Variants in DYNC1H1 observed in about 807,000 individuals in gnomAD.
DYNC1H1 encodes cytoplasmic dynein 1 heavy chain 1.
Under a neutral mutation model 527.1 loss-of-function variants are expected in DYNC1H1, and 51 were observed. That is an observed-to-expected ratio of 0.10 (90% CI 0.08 to 0.12). The LOEUF (loss-of-function observed/expected upper bound fraction) is 0.12, where lower values mean the gene tolerates loss of function less well. Among genes scored for constraint, DYNC1H1 ranks in the 10% least tolerant of loss-of-function variants. The probability of loss-of-function intolerance (pLI) is 1.00; values close to 1 mark genes in which losing one functional copy is unlikely to be tolerated. For missense variants in DYNC1H1, 2,771 were observed against 5,971.8 expected (o/e 0.46, Z 17.66); for synonymous variants, 2,189 against 2,278.8 (o/e 0.96, Z 1.12).
In DYNC1H1 at chr14:102,012,072, C is replaced by T. The variant is rs1205496039; in HGVS notation, c.6816C>T (p.Thr2272=). ...DHLYGTLDPN[T]REWTDGLFTH... ...TCTACGGAACCCTGGACCCCAACAC[C>T]AGGGAATGGACAGATGGGCTCTTCA... The change falls in exon 33 of 78, where the codon ACC becomes ACT. Residue 2272 remains threonine, a synonymous_variant. Transcript: ENST00000360184. The surrounding 1 kb of genome is among the most constrained non-coding windows in gnomAD (Gnocchi z 4.9). 1 of 1,614,180 alleles carries T rather than the reference C, an allele frequency of 6.2e-7. No homozygotes were observed. The highest frequency in any genetic ancestry group is 1.7e-5 in the Admixed American group (1 of 60,020).
Position 102,002,420 on chromosome 14 carries a change from TTAAAATG to T in DYNC1H1, c.4543-115_4543-109del. On this transcript the variant is annotated intron_variant, in intron 21 of 77. Coordinates refer to ENST00000360184, the MANE Select transcript of DYNC1H1 (RefSeq NM_001376.5). The surrounding 1 kb of genome is among the most constrained non-coding windows in gnomAD (Gnocchi z 4.4). ...GCCACCACACCCGTCTACTTGTTGTTTAAAATGTGAATCAGATTACTTCATGAGATCC... is the reference window on the plus strand; with the variant it reads ...GCCACCACACCCGTCTACTTGTTGTTTGAATCAGATTACTTCATGAGATCC... 1 of 1,424,232 alleles carries T rather than the reference TTAAAATG, an allele frequency of 7.0e-7. No individual in the cohort carries two copies. Among genetic ancestry groups the T allele is most frequent in the Non-Finnish European group, 9.9e-7 (1 of 1,015,110 alleles). 88.2% of individuals were successfully genotyped at this position (1,424,232 alleles called of 1,614,324 possible). A position where few individuals can be genotyped will look rare whatever the true frequency, so the allele number is the denominator to read the frequency against.
chr14:102,049,048 G>A lies in DYNC1H1; in HGVS notation c.13372+379G>A, dbSNP rs2048767486. ...TGGAAAAGCAGGGGCAGGCGGGCATGGGGGGCTCATCCAAAGTTGTGGGGA... is the reference window on the plus strand; with the variant it reads ...TGGAAAAGCAGGGGCAGGCGGGCATAGGGGGCTCATCCAAAGTTGTGGGGA... On this transcript the variant is annotated intron_variant, in intron 74 of 77. Coordinates refer to ENST00000360184, the MANE Select transcript of DYNC1H1 (RefSeq NM_001376.5). This position sits in a 1 kb window ranked among gnomAD's most constrained non-coding sequence, Gnocchi z 5.5. The A allele has an allele frequency of 9.4e-6, 4 of 425,386 alleles. No individual in the cohort carries two copies. Among genetic ancestry groups the A allele is most frequent in the Admixed American group, 3.6e-5 (1 of 27,894 alleles). 26.4% of individuals were successfully genotyped at this position (425,386 alleles called of 1,614,324 possible).
chr14:101,984,657 G>A (rs1254458468), intron 7 of DYNC1H1, among the ~76,000 whole-genome samples: 1 of 150,602 alleles, frequency 6.6e-6, no homozygotes, highest in Non-Finnish European at 1.5e-5. Context: ...CACCGGCCGG[G>A]CGCGGTGGCT....
chr14:102,035,085 C>G (rs1170859646), intron 56 of DYNC1H1: 1 of 155,688 alleles, frequency 6.4e-6, no homozygotes, highest in African/African-American at 2.4e-5. Context: ...AGAAAATTAG[C>G]TGGGCGTGGT....
rs368959473 is a variant in DYNC1H1, at chr14:102,000,427, C to T, written c.4074+28C>T. ...ATATCATGAAATCGGTGTTTGTGTA[C>T]GTCTATTTTAACAGTTACAGACTTT... is the stretch of plus-strand genomic sequence containing the variant. On this transcript the variant is annotated intron_variant, in intron 18 of 77. Coordinates refer to ENST00000360184, the MANE Select transcript of DYNC1H1 (RefSeq NM_001376.5). 4.9e-5 allele frequency: 78 copies of T among 1,605,078 alleles called. No individual in the cohort carries two copies. The African/African-American group carries it at 7.9e-4, about 16-fold the overall frequency.
At position 102,036,828 on chromosome 14, in the gene DYNC1H1, G is replaced by C. The variant is rs534296010; in HGVS notation, c.10908+186G>C. 1.3e-6 allele frequency: 1 copy of C among 785,124 alleles called. No homozygotes were observed. Among genetic ancestry groups the C allele is most frequent in the Admixed American group, 2.3e-5 (1 of 44,048 alleles). 48.6% of individuals were successfully genotyped at this position (785,124 alleles called of 1,614,324 possible). A position where few individuals can be genotyped will look rare whatever the true frequency, so the allele number is the denominator to read the frequency against. ...GCATTTAAAATTCTATTCAGTGGTC[G>C]GGCGAGGTGGCTCACACCTGTAATC... On this transcript the variant is annotated intron_variant, in intron 57 of 77. Coordinates refer to ENST00000360184, the MANE Select transcript of DYNC1H1 (RefSeq NM_001376.5). This position sits in a 1 kb window ranked among gnomAD's most constrained non-coding sequence, Gnocchi z 5.6.
Position 102,004,632 on chromosome 14 carries a change from G to A in DYNC1H1, c.4998G>A (p.Leu1666=). 6.2e-7 allele frequency: 1 copy of A among 1,614,180 alleles called. No individual in the cohort carries two copies. The highest frequency in any genetic ancestry group is 1.3e-5 in the African/African-American group (1 of 75,036). ...KMFAGVSSII[L]NEDNSVVLGI... is the part of the protein sequence containing the mutation. ...TTGCTGGAGTTTCGAGCATCATCCTGAACGAGGATAACTCTGTTGTTTTGG... is the reference window on the plus strand; with the variant it reads ...TTGCTGGAGTTTCGAGCATCATCCTAAACGAGGATAACTCTGTTGTTTTGG... Residue 1666 remains leucine, a synonymous_variant, in exon 24 of 78, where the codon CTG becomes CTA. Transcript: ENST00000360184.
Position 101,986,503 on chromosome 14 carries a change from G to A in DYNC1H1, c.2278G>A (p.Val760Ile), listed in dbSNP as rs781320162. The A allele has an allele frequency of 8.7e-6, 14 of 1,613,966 alleles. No homozygotes were observed. The highest frequency in any genetic ancestry group is 1.7e-5 in the Admixed American group (1 of 59,976). ...GAACCTCAAATGGCTTGGTTTCCGCGTCCCACTGGCGATTGTGAACAAAGC... is the reference window on the plus strand; with the variant it reads ...GAACCTCAAATGGCTTGGTTTCCGCATCCCACTGGCGATTGTGAACAAAGC... ...VRNLKWLGFR[V>I]PLAIVNKAHQ... The change falls in exon 8 of 78, where the codon GTC (valine) becomes ATC (isoleucine). Residue 760 changes from valine (V) to isoleucine (I), a missense_variant. Val to Ile is a conservative substitution (Grantham distance 29). This residue lies in a region of DYNC1H1 where 264 missense variants were observed against 619.4 expected (regional missense o/e 0.43). Coordinates refer to ENST00000360184, the MANE Select transcript of DYNC1H1 (RefSeq NM_001376.5). The surrounding 1 kb of genome is among the most constrained non-coding windows in gnomAD (Gnocchi z 8.7).
chr14:102,052,294 G>A lies in DYNC1H1; in HGVS notation c.*1731G>A, dbSNP rs981493406. ...GACCACAGACACACACCACCATGTC[G>A]GCTAATTTTTGTATCTTTTGTAGAG... On this transcript the variant is annotated 3_prime_UTR_variant, in exon 78 of 78. Transcript: ENST00000360184. The A allele has an allele frequency of 2.6e-5, 4 of 152,178 alleles. No homozygotes were observed. The highest frequency in any genetic ancestry group is 9.7e-5 in the African/African-American group (4 of 41,386). 9.4% of individuals were successfully genotyped at this position (152,178 alleles called of 1,614,324 possible). A position where few individuals can be genotyped will look rare whatever the true frequency, so the allele number is the denominator to read the frequency against.
In DYNC1H1 at chr14:102,012,576, A is replaced by G; in HGVS notation, c.7014+106A>G. ...GGAGTCATGGACCCAGATTCCATGGAGTAGTGATCATTGTGTAAGTAATTT... is the reference window on the plus strand; with the variant it reads ...GGAGTCATGGACCCAGATTCCATGGGGTAGTGATCATTGTGTAAGTAATTT... On this transcript the variant is annotated intron_variant, in intron 34 of 77. Coordinates refer to ENST00000360184, the MANE Select transcript of DYNC1H1 (RefSeq NM_001376.5). This position sits in a 1 kb window ranked among gnomAD's most constrained non-coding sequence, Gnocchi z 4.9. 6.9e-7 allele frequency: 1 copy of G among 1,454,148 alleles called. No individual in the cohort carries two copies. The highest frequency in any genetic ancestry group is 9.6e-7 in the Non-Finnish European group (1 of 1,039,572). The allele number at this position is 1,454,148 out of a possible 1,614,324, so 90.1% of individuals were successfully genotyped here.
At position 102,041,340 on chromosome 14, in the gene DYNC1H1, C is replaced by T. The variant is rs2048646841; in HGVS notation, c.11942-234C>T. 1.1e-5 allele frequency: 7 copies of T among 617,616 alleles called. No individual in the cohort carries two copies. Among genetic ancestry groups the T allele is most frequent in the Non-Finnish European group, 1.7e-5 (6 of 351,246 alleles). The allele number at this position is 617,616 out of a possible 1,614,324, so 38.3% of individuals were successfully genotyped here. ...GGTATTAGTTTAGTAATCTAAAAAT[C>T]AGCAAATGGCACCTTTGTCCTATGG... is the stretch of plus-strand genomic sequence containing the variant. On this transcript the variant is annotated intron_variant, in intron 64 of 77. Transcript: ENST00000360184. This position sits in a 1 kb window ranked among gnomAD's most constrained non-coding sequence, Gnocchi z 4.5.
chr14:102,033,837 C>T lies in DYNC1H1; in HGVS notation c.10414-139C>T, dbSNP rs1051665966. On this transcript the variant is annotated intron_variant, in intron 54 of 77. Coordinates refer to ENST00000360184, the MANE Select transcript of DYNC1H1 (RefSeq NM_001376.5). The surrounding 1 kb of genome is among the most constrained non-coding windows in gnomAD (Gnocchi z 5.6). ...TTATATATGATCTGGGTCTCATCTCCTCTGGGACTGTGAACAACTTGGGCA... is the reference window on the plus strand; with the variant it reads ...TTATATATGATCTGGGTCTCATCTCTTCTGGGACTGTGAACAACTTGGGCA... 1.1e-5 allele frequency: 10 copies of T among 898,636 alleles called. No individual in the cohort carries two copies. The highest frequency in any genetic ancestry group is 3.0e-4 in the Middle Eastern group (1 of 3,326). 55.7% of individuals were successfully genotyped at this position (898,636 alleles called of 1,614,324 possible).
At chr14:102,047,639 GTGT>G (rs2048741565) in intron 72 of DYNC1H1, 175 bp from the exon 73 acceptor site, 1 of 346,204 alleles carries the variant, frequency 2.9e-6, no homozygotes, top group Admixed American at 4.5e-5. Context: ...GTGTGTGTGT[GTGT>G]ATATATATAT....
intron 1 of DYNC1H1, among the ~76,000 whole-genome samples, chr14:101,968,159 C>G (rs1484340919): frequency 6.6e-6 from 1 of 152,218 alleles, no homozygotes; most frequent in Non-Finnish European, 1.5e-5. Flanking sequence ...GCTGATGGAA[C>G]TGACATTTCC....
Position 102,039,834 on chromosome 14 carries a change from T to A in DYNC1H1, c.11690+102T>A. On this transcript the variant is annotated intron_variant, in intron 62 of 77. Transcript: ENST00000360184. The surrounding 1 kb of genome is among the most constrained non-coding windows in gnomAD (Gnocchi z 7.0). ...TTATTATTTCTTTTATTTTCTCTTT[T>A]ATTTTCTTTATTTTATTTTTTGAGA... 1.0e-6 allele frequency: 1 copy of A among 961,374 alleles called. No homozygotes were observed. The allele number at this position is 961,374 out of a possible 1,614,324, so 59.6% of individuals were successfully genotyped here. A position where few individuals can be genotyped will look rare whatever the true frequency, so the allele number is the denominator to read the frequency against.
chr14:102,027,426 G>A lies in DYNC1H1; in HGVS notation c.8930G>A (p.Arg2977Gln), dbSNP rs779621100. 11 of 1,613,998 alleles carry A rather than the reference G, an allele frequency of 6.8e-6. No homozygotes were observed. The highest frequency in any genetic ancestry group is 1.3e-5 in the African/African-American group (1 of 74,888). The part of the protein sequence containing the change: ...YTGEDFDEDL[R>Q]TVLRRSGCKN... ...GGGGAAGACTTTGATGAAGATCTAC[G>A]GACAGTGTTGAGACGTTCTGGCTGT... Residue 2977 changes from arginine (R) to glutamine (Q), a missense_variant, in exon 46 of 78, where the codon CGG becomes CAG. This residue lies in a region of DYNC1H1 where 84 missense variants were observed against 285.4 expected (regional missense o/e 0.29). Coordinates refer to ENST00000360184, the MANE Select transcript of DYNC1H1 (RefSeq NM_001376.5). The surrounding 1 kb of genome is among the most constrained non-coding windows in gnomAD (Gnocchi z 7.7).
intron 27 of DYNC1H1, among the ~76,000 whole-genome samples, chr14:102,006,693 C>T (rs1037502974): frequency 5.3e-5 from 8 of 151,826 alleles, no homozygotes; most frequent in Non-Finnish European, 7.4e-5. Context: ...CTCTGCCTCC[C>T]GGGTTCAAGC....
Position 102,016,358 on chromosome 14 carries a change from G to A in DYNC1H1, c.7483G>A (p.Val2495Ile). The A allele has an allele frequency of 6.2e-7, 1 of 1,614,062 alleles. No individual in the cohort carries two copies. Among genetic ancestry groups the A allele is most frequent in the South Asian group, 1.1e-5 (1 of 91,076 alleles). ...QLERYIQRYL[V>I]YAILWSLSGD... The stretch of plus-strand genomic sequence containing the variant: ...ATTCCCTTTTTAATAGCGATATCTG[G>A]TTTATGCCATACTCTGGTCCCTGTC... Residue 2495 changes from valine (V) to isoleucine (I), a missense_variant, in exon 37 of 78, where the codon GTT becomes ATT. Val to Ile is a conservative substitution (Grantham distance 29). Coordinates refer to ENST00000360184, the MANE Select transcript of DYNC1H1 (RefSeq NM_001376.5). This position sits in a 1 kb window ranked among gnomAD's most constrained non-coding sequence, Gnocchi z 7.3.
chr14:102,020,155 T>G lies in DYNC1H1; in HGVS notation c.8507+99T>G. On this transcript the variant is annotated intron_variant, in intron 42 of 77. Coordinates refer to ENST00000360184, the MANE Select transcript of DYNC1H1 (RefSeq NM_001376.5). The surrounding 1 kb of genome is among the most constrained non-coding windows in gnomAD (Gnocchi z 4.3). ...CTTTGCAGGGGTGGTCTGCCTAAGT[T>G]AGAGCCAGGTGGTGCCAGTGGTGGA... The G allele has an allele frequency of 6.7e-7, 1 of 1,503,044 alleles. No homozygotes were observed. Among genetic ancestry groups the G allele is most frequent in the African/African-American group, 1.4e-5 (1 of 72,178 alleles). The allele number at this position is 1,503,044 out of a possible 1,614,324, so 93.1% of individuals were successfully genotyped here. A position where few individuals can be genotyped will look rare whatever the true frequency, so the allele number is the denominator to read the frequency against.
Sources: gnomAD v4.1 joint callset for allele counts (sites outside exome capture counted in the v4.1 genomes callset) on GRCh38, gnomAD v4.1.1 for gene constraint, gnomAD v4.1.1 regional missense constraint, Gnocchi (gnomAD v3.1) non-coding constraint, MANE v1.5 for transcripts, NCBI Gene and HGNC (gene_info 2026-07-23, HGNC 2026-07-21) for gene names.